Variants in ITSN1 observed in about 807,000 individuals in gnomAD.
ITSN1 encodes intersectin 1.
A neutral mutation model predicts 239.8 loss-of-function variants in ITSN1; 58 were observed. That is an observed-to-expected ratio of 0.24 (90% CI 0.20 to 0.30). ITSN1 has a LOEUF of 0.30. Ranked by LOEUF, ITSN1 falls within the 10% of genes least tolerant of loss-of-function variation. ITSN1 has a pLI of 1.00. For synonymous variants in ITSN1, 780 were observed against 770.8 expected (o/e 1.01, Z -0.20); for missense variants, 1,558 against 2,103.3 (o/e 0.74, Z 5.07).
intron 20 of ITSN1, among the ~76,000 whole-genome samples, chr21:33,805,411 C>A (rs535824644): frequency 6.6e-6 from 1 of 152,060 alleles, no homozygotes; most frequent in Non-Finnish European, 1.5e-5. Flanking sequence ...CATAGATTTC[C>A]ATAGATTAAA....
chr21:33,758,982 T>G (rs760902000), intron 8 of ITSN1, among the ~76,000 whole-genome samples: 17 of 152,258 alleles, frequency 1.1e-4, no homozygotes, highest in Non-Finnish European at 2.4e-4. Flanking sequence ...GATCTATTTT[T>G]AATATTTTGC....
intron 1 of ITSN1, among the ~76,000 whole-genome samples, chr21:33,648,873 GAGAGAA>G (rs1450066863): frequency 6.0e-5 from 9 of 150,202 alleles, no homozygotes; most frequent in East Asian, 3.9e-4. Flanking sequence ...GAAAAGAAAG[GAGAGAA>G]AGAGAAAGAG....
chr21:33,721,093 T>TG, intron 2 of ITSN1, 85 bp from the exon 3 acceptor site: 1 of 835,434 alleles, frequency 1.2e-6, no homozygotes, highest in Non-Finnish European at 2.1e-6. Flanking sequence ...GACAGAATCT[T>TG]GAAGTGCTGT....
At chr21:33,659,705 CTTTTTTTTTTTTTT>C (rs71194859) in intron 1 of ITSN1, among the ~76,000 whole-genome samples, 2 of 76,608 alleles carry the variant, frequency 2.6e-5, no homozygotes, top group Admixed American at 1.7e-4. Flanking sequence ...GCAGCCTGTA[CTTTTTTTTTTTTTT>C]TTTTTTTTTT....
intron 1 of ITSN1, among the ~76,000 whole-genome samples, chr21:33,698,012 A>G (rs1601700472): frequency 6.6e-6 from 1 of 152,262 alleles, no homozygotes; most frequent in East Asian, 1.9e-4. Context: ...TTGAACAGGA[A>G]TTGCTTTCCT....
chr21:33,840,332 T>C (rs566109473), intron 29 of ITSN1, among the ~76,000 whole-genome samples: 2 of 152,204 alleles, frequency 1.3e-5, no homozygotes, highest in East Asian at 3.9e-4. Context: ...TGTCAGGTTT[T>C]GGTTTGTTTG....
intron 8 of ITSN1, among the ~76,000 whole-genome samples, chr21:33,761,025 C>T (rs1024384789): frequency 2.6e-5 from 4 of 151,130 alleles, no homozygotes; most frequent in African/African-American, 7.3e-5. Flanking sequence ...GTAGAAATTC[C>T]AGGAATTCTT....
At chr21:33,830,525 A>G (rs1297620021) in intron 27 of ITSN1, among the ~76,000 whole-genome samples, 1 of 152,072 alleles carries the variant, frequency 6.6e-6, no homozygotes, top group African/African-American at 2.4e-5. Flanking sequence ...CTGTGCCGGG[A>G]GGGAGGAGGG....
rs2071669576 is a variant in ITSN1 at position 33,797,689 on chromosome 21, G to A, written c.2182+81G>A. 9 of 1,067,120 alleles carry A rather than the reference G, an allele frequency of 8.4e-6. No homozygotes were observed. Among genetic ancestry groups the A allele is most frequent in the Middle Eastern group, 2.1e-4 (1 of 4,830 alleles). 66.1% of individuals were successfully genotyped at this position (1,067,120 alleles called of 1,614,324 possible). ...CCTGAAAAATGCCCCTATCTCATCA[G>A]TACCTGTCTTGGCTACATTAACAGA... On this transcript the variant is annotated intron_variant, in intron 18 of 39. Coordinates refer to ENST00000381318, the MANE Select transcript of ITSN1 (RefSeq NM_003024.3). This position sits in a 1 kb window ranked among gnomAD's most constrained non-coding sequence, Gnocchi z 4.9.
intron 1 of ITSN1, among the ~76,000 whole-genome samples, chr21:33,695,768 A>G (rs1022202613): frequency 6.6e-6 from 1 of 152,204 alleles, no homozygotes; most frequent in Admixed American, 6.5e-5. Flanking sequence ...TTTTAACAGA[A>G]ACGTTCTTTT....
intron 29 of ITSN1, among the ~76,000 whole-genome samples, chr21:33,850,777 C>G (rs974093391): frequency 2.0e-5 from 3 of 152,204 alleles, no homozygotes; most frequent in Admixed American, 1.3e-4. Context: ...TTTTCCTACA[C>G]GACAGGCCAC....
At chr21:33,654,588 A>T (rs1041054056) in intron 1 of ITSN1, among the ~76,000 whole-genome samples, 4 of 152,154 alleles carry the variant, frequency 2.6e-5, no homozygotes, top group Non-Finnish European at 5.9e-5. Flanking sequence ...TCTACACAAA[A>T]GACATAATAC....
rs1222096959 is a variant in ITSN1 at position 33,893,898 on chromosome 21, G to A, written c.*5598G>A. On this transcript the variant is annotated 3_prime_UTR_variant, in exon 40 of 40. Transcript: ENST00000381318. The stretch of plus-strand genomic sequence containing the variant: ...ATAGGCATGGAAACTTAGTCCACAT[G>A]AAAGACAGAAGACATCTAACAGCTG... 6.6e-6 allele frequency: 1 copy of A among 152,122 alleles called. No homozygotes were observed. Among genetic ancestry groups the A allele is most frequent in the East Asian group, 1.9e-4 (1 of 5,186 alleles). 9.4% of individuals were successfully genotyped at this position (152,122 alleles called of 1,614,324 possible).
At chr21:33,867,361 G>A in intron 33 of ITSN1, 30 bp downstream of exon 33, 1 of 1,266,916 alleles carries the variant, frequency 7.9e-7, no homozygotes, top group African/African-American at 1.5e-5. Flanking sequence ...TTTCAAGCAG[G>A]GGACGGCTTT....
chr21:33,743,233 A>T (rs1447821637), intron 5 of ITSN1, among the ~76,000 whole-genome samples: 1 of 152,250 alleles, frequency 6.6e-6, no homozygotes, highest in East Asian at 1.9e-4. Context: ...TAAGAGGCCG[A>T]GGTGAGCGGA....
intron 1 of ITSN1, among the ~76,000 whole-genome samples, chr21:33,704,547 A>G (rs1287295911): frequency 6.6e-6 from 1 of 152,174 alleles, no homozygotes; most frequent in African/African-American, 2.4e-5. Context: ...AAGAGGGAAT[A>G]CTAATAATAT....
intron 20 of ITSN1, among the ~76,000 whole-genome samples, chr21:33,806,144 G>A (rs2072427103): frequency 6.6e-6 from 1 of 151,360 alleles, no homozygotes. Context: ...CCGGGAGGCG[G>A]AGCTTGCAGT....
At chr21:33,880,297 G>A (rs1984684026) in intron 34 of ITSN1, among the ~76,000 whole-genome samples, 1 of 152,186 alleles carries the variant, frequency 6.6e-6, no homozygotes. Context: ...GCCAATTAGA[G>A]GCTTTGAGTA....
At chr21:33,661,341 A>C (rs1339114962) in intron 1 of ITSN1, among the ~76,000 whole-genome samples, 1 of 152,206 alleles carries the variant, frequency 6.6e-6, no homozygotes, top group Non-Finnish European at 1.5e-5. Context: ...TTGAGTATCT[A>C]GTCATACAAG....
Sources: gnomAD v4.1 joint callset for allele counts (sites outside exome capture counted in the v4.1 genomes callset) on GRCh38, gnomAD v4.1.1 for gene constraint, Gnocchi (gnomAD v3.1) non-coding constraint, MANE v1.5 for transcripts, NCBI Gene and HGNC (gene_info 2026-07-23, HGNC 2026-07-21) for gene names.